KANK1: variants seen among roughly 807,000 people sequenced by gnomAD.
The protein encoded by KANK1 is KN motif and ankyrin repeat domain-containing protein 1.
KANK1 carries 109 observed loss-of-function variants against 106.2 expected under a neutral mutation model. The observed-to-expected ratio is 1.03, with a 90% CI of 0.88 to 1.20. The LOEUF is 1.20. Ranked by LOEUF, KANK1 falls within the 50% of genes most tolerant of loss-of-function variation. The probability of loss-of-function intolerance (pLI) is 0.00; values close to 1 mark genes in which losing one functional copy is unlikely to be tolerated. For synonymous variants in KANK1, 873 were observed against 652.2 expected (o/e 1.34, Z -5.16); for missense variants, 2,399 against 1,710.7 (o/e 1.40, Z -7.10).
intron 1 of KANK1, among the ~76,000 whole-genome samples, chr9:557,652 C>T (rs1423444597): frequency 1.3e-5 from 2 of 152,178 alleles, no homozygotes; most frequent in Non-Finnish European, 2.9e-5. Context: ...CACGAAAGTA[C>T]TAATCCTTGG....
chr9:617,308 C>T (rs898688406), intron 1 of KANK1, among the ~76,000 whole-genome samples: 1 of 152,086 alleles, frequency 6.6e-6, no homozygotes, highest in African/African-American at 2.4e-5. Flanking sequence ...CAAAACCAGA[C>T]ATGTCTTTTG....
chr9:571,084 C>T lies in KANK1; in HGVS notation c.-84+66330C>T, dbSNP rs150690874. On this transcript the variant is annotated intron_variant, in intron 1 of 11. Coordinates refer to ENST00000382297, the MANE Select transcript of KANK1 (RefSeq NM_015158.5). ...TTCTTGTAAAAATGGGACCAGTTTGCACCTCTGTTGTGGTATGAGAGAGTG... is the reference window on the plus strand; with the variant it reads ...TTCTTGTAAAAATGGGACCAGTTTGTACCTCTGTTGTGGTATGAGAGAGTG... 8.7e-4 allele frequency among the ~76,000 whole-genome samples: 133 copies of T among 152,278 alleles called. 2 individuals are homozygous for T. The highest frequency in any genetic ancestry group is 3.0e-3 in the African/African-American group (124 of 41,552).
chr9:547,402 G>C (rs1352847601), intron 1 of KANK1: 1 of 152,186 alleles, frequency 6.6e-6, no homozygotes, highest in Non-Finnish European at 1.5e-5. Flanking sequence ...CCGCAACGAT[G>C]TGTAAATCTA....
At chr9:649,975 A>T (rs1840530252) in intron 1 of KANK1, among the ~76,000 whole-genome samples, 1 of 152,158 alleles carries the variant, frequency 6.6e-6, no homozygotes, top group African/African-American at 2.4e-5. Flanking sequence ...TAGAGAGAAA[A>T]TTCTGCAGTC....
intron 1 of KANK1, among the ~76,000 whole-genome samples, chr9:639,196 C>T (rs532340483): frequency 2.6e-5 from 4 of 152,254 alleles, no homozygotes; most frequent in Admixed American, 6.5e-5. Context: ...TACATTCCAC[C>T]CTATTTCACT....
intron 1 of KANK1, among the ~76,000 whole-genome samples, chr9:650,537 C>G (rs1361365470): frequency 1.3e-5 from 2 of 152,162 alleles, no homozygotes; most frequent in African/African-American, 4.8e-5. Flanking sequence ...TGCTGGACCA[C>G]AGGCCATGAC....
chr9:504,782 G>GCCCGGTGCCGCGCTGCT (rs1554723231), intron 1 of KANK1, 28 bp downstream of exon 1: 2 of 148,012 alleles, frequency 1.4e-5, no homozygotes, highest in African/African-American at 4.9e-5. Flanking sequence ...GCCGTGCCGC[G>GCCCGGTGCCGCGCTGCT]CCCCGTGCCG....
chr9:741,242 T>G (rs955175164), intron 9 of KANK1, among the ~76,000 whole-genome samples: 1 of 139,802 alleles, frequency 7.2e-6, no homozygotes, highest in African/African-American at 2.5e-5. Flanking sequence ...CATCAGATGC[T>G]CAGTGACTGT....
chr9:502,930 G>T (rs898189959), upstream of KANK1, among the ~76,000 whole-genome samples: 1 of 151,944 alleles, frequency 6.6e-6, no homozygotes, highest in Non-Finnish European at 1.5e-5. Flanking sequence ...GACCTCCAGG[G>T]CTCAGGCGAT....
chr9:713,613 G>A (rs1342200471), intron 3 of KANK1, 149 bp downstream of exon 3: 1 of 874,886 alleles, frequency 1.1e-6, no homozygotes, highest in East Asian at 2.7e-5. Context: ...TGAAAACTAA[G>A]AATCAAAATC....
At chr9:528,020 C>G (rs1475645525) in intron 1 of KANK1, among the ~76,000 whole-genome samples, 2 of 151,714 alleles carry the variant, frequency 1.3e-5, no homozygotes, top group African/African-American at 2.4e-5. Context: ...ATAGTCCCAG[C>G]TACTCGGGAG....
intron 1 of KANK1, among the ~76,000 whole-genome samples, chr9:505,962 C>T (rs1244729224): frequency 6.6e-6 from 1 of 152,128 alleles, no homozygotes; most frequent in Non-Finnish European, 1.5e-5. Context: ...GCCAGTTTCT[C>T]CTTTCATCCA....
At chr9:602,788 A>G (rs1828093848) in intron 1 of KANK1, among the ~76,000 whole-genome samples, 1 of 151,798 alleles carries the variant, frequency 6.6e-6, no homozygotes, top group African/African-American at 2.4e-5. Context: ...ATTCAGTATA[A>G]CTTCTTTTGA....
chr9:638,835 T>G (rs757758863), intron 1 of KANK1, among the ~76,000 whole-genome samples: 2 of 152,194 alleles, frequency 1.3e-5, no homozygotes, highest in African/African-American at 4.8e-5. Flanking sequence ...TCTCTGCCAT[T>G]CAATTTGACT....
upstream of KANK1, among the ~76,000 whole-genome samples, chr9:500,752 C>T (rs2058536085): frequency 6.6e-6 from 1 of 152,216 alleles, no homozygotes; most frequent in African/African-American, 2.4e-5. Context: ...GAATCTTTCA[C>T]AGAGGAGCCA....
At chr9:561,855 A>C (rs1816527108) in intron 1 of KANK1, among the ~76,000 whole-genome samples, 1 of 152,212 alleles carries the variant, frequency 6.6e-6, no homozygotes, top group South Asian at 2.1e-4. Context: ...CAGAGAAAAT[A>C]CTGCAGACGT....
chr9:740,769 C>CTTTTT, intron 8 of KANK1, 23 bp from the exon 9 acceptor site: 7 of 1,505,414 alleles, frequency 4.6e-6, no homozygotes, highest in African/African-American at 4.3e-5. Context: ...TCCTAAGAGA[C>CTTTTT]TTTTTTTTTT....
At chr9:574,492 A>G (rs1820027949) in intron 1 of KANK1, among the ~76,000 whole-genome samples, 1 of 152,112 alleles carries the variant, frequency 6.6e-6, no homozygotes, top group South Asian at 2.1e-4. Flanking sequence ...ATGATTGTTA[A>G]TATTGAAATG....
At chr9:653,936 A>G (rs1841493715) in intron 1 of KANK1, among the ~76,000 whole-genome samples, 2 of 152,056 alleles carry the variant, frequency 1.3e-5, no homozygotes, top group Non-Finnish European at 2.9e-5. Flanking sequence ...AACTGCTTTC[A>G]TTTTTTGCAG....
Sources: allele counts gnomAD v4.1 joint callset (sites outside exome capture counted in the v4.1 genomes callset), GRCh38; gene constraint gnomAD v4.1.1; transcripts MANE v1.5; gene names NCBI Gene and HGNC (gene_info 2026-07-23, HGNC 2026-07-21).